Variants in GABRG2 observed in about 807,000 individuals in gnomAD.
The protein encoded by GABRG2 is gamma-aminobutyric acid receptor subunit gamma-2.
A neutral mutation model predicts 56.4 loss-of-function variants in GABRG2; 16 were observed. The observed-to-expected ratio is 0.28, with a 90% confidence interval of 0.19 to 0.43. The LOEUF (loss-of-function observed/expected upper bound fraction) is 0.43, where lower values mean the gene tolerates loss of function less well. GABRG2 is among the 20% of genes least tolerant of loss of function. The pLI is 1.00. For synonymous variants in GABRG2, 208 were observed against 205.5 expected, an observed-to-expected ratio of 1.01 and a Z score of -0.10; for missense variants, 327 against 582.7, an observed-to-expected ratio of 0.56 and a Z score of 4.52.
intron 6 of GABRG2, among the ~76,000 whole-genome samples, chr5:162,113,089 G>A (rs893382443): frequency 1.3e-4 from 20 of 151,824 alleles, no homozygotes; most frequent in Non-Finnish European, 4.4e-5. Flanking sequence ...GCACACGCAC[G>A]CCACTATGCC....
intron 1 of GABRG2, among the ~76,000 whole-genome samples, chr5:162,074,687 A>T (rs2113137872): frequency 1.3e-5 from 2 of 152,176 alleles, no homozygotes; most frequent in Middle Eastern, 6.8e-3. Context: ...CACACTTGAG[A>T]TACATAATTG....
rs115530780 is a variant in GABRG2 at position 162,103,116 on chromosome 5, C to T, written c.632-773C>T. 549 of 153,664 alleles carry T rather than the reference C, an allele frequency of 3.6e-3. 2 individuals carry two copies. Among genetic ancestry groups the T allele is most frequent in the South Asian group, 0.012 (60 of 4,924 alleles). 9.5% of individuals were successfully genotyped at this position (153,664 alleles called of 1,614,324 possible). On this transcript the variant is annotated intron_variant, in intron 5 of 9. Transcript: ENST00000639213. ...CATTCAACAAATATACATTGACCAT[C>T]AATTCTGTGAGATAAGTACTATTAT...
At chr5:162,143,812 G>A (rs1439658696) in intron 7 of GABRG2, among the ~76,000 whole-genome samples, 1 of 152,122 alleles carries the variant, frequency 6.6e-6, no homozygotes, top group Non-Finnish European at 1.5e-5. Context: ...CACATAAATA[G>A]TAAAGCCTCA....
chr5:162,068,260 G>A (rs1216458223), intron 1 of GABRG2, among the ~76,000 whole-genome samples, 154 bp downstream of exon 1: 5 of 152,078 alleles, frequency 3.3e-5, no homozygotes, highest in Admixed American at 1.3e-4. Flanking sequence ...GGCGGGGACT[G>A]GAGGGAGGAA....
chr5:162,119,912 G>A (rs996743097), intron 6 of GABRG2, among the ~76,000 whole-genome samples: 1 of 152,016 alleles, frequency 6.6e-6, no homozygotes, highest in African/African-American at 2.4e-5. Flanking sequence ...TAATTGTGAC[G>A]GTTTCAGGGG....
chr5:162,102,959 T>A (rs1227672113), intron 5 of GABRG2: 1 of 155,156 alleles, frequency 6.4e-6, no homozygotes. Flanking sequence ...AACTAATCTT[T>A]ACATGGCATT....
chr5:162,143,799 T>C (rs570403671), intron 7 of GABRG2, among the ~76,000 whole-genome samples: 1 of 152,310 alleles, frequency 6.6e-6, no homozygotes, highest in South Asian at 2.1e-4. Context: ...TCGATGCAAA[T>C]TGCACATAAA....
intron 1 of GABRG2, among the ~76,000 whole-genome samples, chr5:162,082,340 T>C (rs1244720298): frequency 5.3e-5 from 8 of 151,852 alleles, no homozygotes; most frequent in Admixed American, 5.3e-4. Flanking sequence ...GAATTCATAT[T>C]AATTTAAGGC....
chr5:162,117,519 C>T (rs929081623), intron 6 of GABRG2, among the ~76,000 whole-genome samples: 2 of 152,068 alleles, frequency 1.3e-5, no homozygotes, highest in African/African-American at 4.8e-5. Flanking sequence ...TTTCAAGCAA[C>T]TTTTAAAATC....
chr5:162,086,082 T>A (rs1214674681), intron 1 of GABRG2, among the ~76,000 whole-genome samples: 1 of 151,918 alleles, frequency 6.6e-6, no homozygotes, highest in African/African-American at 2.4e-5. Flanking sequence ...CTAAAAAATA[T>A]TTTAAATACA....
chr5:162,123,473 T>C (rs1763111530), intron 6 of GABRG2, among the ~76,000 whole-genome samples: 1 of 151,800 alleles, frequency 6.6e-6, no homozygotes, highest in Non-Finnish European at 1.5e-5. Flanking sequence ...CATTAACCAA[T>C]AAAAAATAAT....
intron 6 of GABRG2, among the ~76,000 whole-genome samples, chr5:162,127,073 C>T (rs115769776): frequency 1.2e-3 from 179 of 151,946 alleles, no homozygotes; most frequent in African/African-American, 4.2e-3. Context: ...CCGTGGCACT[C>T]TTAAGGATGA....
chr5:162,078,689 G>A (rs1759398581), intron 1 of GABRG2, among the ~76,000 whole-genome samples: 1 of 151,536 alleles, frequency 6.6e-6, no homozygotes, highest in African/African-American at 2.4e-5. Context: ...ACAGGTATGA[G>A]CCACCGTGCC....
intron 6 of GABRG2, among the ~76,000 whole-genome samples, chr5:162,107,055 T>C (rs1320564280): frequency 1.3e-5 from 2 of 152,136 alleles, no homozygotes; most frequent in Non-Finnish European, 2.9e-5. Context: ...CTTCTATATG[T>C]CCATGTATTA....
chr5:162,149,310 C>T lies in GABRG2; in HGVS notation c.1125C>T (p.Asn375=). The change falls in exon 8 of 10, where the codon AAC becomes AAT. Residue 375 remains asparagine, a synonymous_variant. Coordinates refer to ENST00000639213, the MANE Select transcript of GABRG2 (RefSeq NM_198904.4). The part of the protein sequence containing the change: ...PSKDKDKKKK[N]PLLRMFSFKA... ...AGGACAAAGATAAAAAGAAGAAAAA[C>T]CCTGTATGTATCATTTTCCATTGGC... is the stretch of plus-strand genomic sequence containing the variant. 6.2e-7 allele frequency: 1 copy of T among 1,613,950 alleles called. No individual in the cohort carries two copies. The highest frequency in any genetic ancestry group is 8.5e-7 in the Non-Finnish European group (1 of 1,179,906).
At chr5:162,130,199 T>C (rs2113531970) in intron 6 of GABRG2, among the ~76,000 whole-genome samples, 1 of 151,982 alleles carries the variant, frequency 6.6e-6, no homozygotes, top group Middle Eastern at 3.4e-3. Context: ...GTGAAAGAAT[T>C]CCATGGGGGC....
At chr5:162,144,895 C>T (rs1019019678) in intron 7 of GABRG2, among the ~76,000 whole-genome samples, 1 of 152,116 alleles carries the variant, frequency 6.6e-6, no homozygotes, top group Non-Finnish European at 1.5e-5. Context: ...GTGCAGATTC[C>T]TTAGTTCAAC....
Position 162,082,554 on chromosome 5 carries a change from G to A in GABRG2, c.108-11274G>A, listed in dbSNP as rs567344791. Among the ~76,000 whole-genome samples, 52 of 151,694 alleles carry A rather than the reference G, an allele frequency of 3.4e-4. 1 individual carries two copies. The South Asian group carries it at 0.011, about 32-fold the overall frequency. ...TGTAATTTTGGACTTTCCAAAATGG[G>A]TTCATGAAGAACTAATTTGTTCACT... On this transcript the variant is annotated intron_variant, in intron 1 of 9. Coordinates refer to ENST00000639213, the MANE Select transcript of GABRG2 (RefSeq NM_198904.4).
chr5:162,125,864 A>G (rs1763309557), intron 6 of GABRG2, among the ~76,000 whole-genome samples: 1 of 152,072 alleles, frequency 6.6e-6, no homozygotes, highest in East Asian at 1.9e-4. Context: ...TTGGAATGCT[A>G]GAGTATAAGA....
Sources: gnomAD v4.1 joint callset for allele counts (sites outside exome capture counted in the v4.1 genomes callset) on GRCh38, gnomAD v4.1.1 for gene constraint, MANE v1.5 for transcripts, NCBI Gene and HGNC (gene_info 2026-07-23, HGNC 2026-07-21) for gene names.